IFT80: variants seen among roughly 807,000 people sequenced by gnomAD.
The protein encoded by IFT80 is intraflagellar transport 80.
In IFT80, 79 loss-of-function variants were observed where a neutral mutation model predicts 107.9. That is an observed-to-expected ratio of 0.73 (90% CI 0.61 to 0.88). IFT80 has a LOEUF of 0.88. IFT80 is among the 40% of genes least tolerant of loss of function. IFT80 has a pLI of 0.00. For missense variants in IFT80, 797 were observed against 914.2 expected (o/e 0.87, Z 1.65); for synonymous variants, 299 against 300.9 (o/e 0.99, Z 0.07).
intron 8 of IFT80, among the ~76,000 whole-genome samples, chr3:160,330,612 C>T (rs1462659957): frequency 3.3e-5 from 5 of 152,098 alleles, no homozygotes; most frequent in Non-Finnish European, 7.4e-5. Flanking sequence ...CTGGGCCCGA[C>T]CCCAGAGTGT....
intron 19 of IFT80, among the ~76,000 whole-genome samples, chr3:160,263,218 A>G (rs1000598189): frequency 9.2e-5 from 14 of 151,644 alleles, no homozygotes; most frequent in Admixed American, 9.2e-4. Context: ...CTCTCCTCCC[A>G]CCCCCAGTCA....
chr3:160,335,558 C>T (rs1719410069), intron 8 of IFT80, among the ~76,000 whole-genome samples: 2 of 152,116 alleles, frequency 1.3e-5, no homozygotes, highest in Non-Finnish European at 2.9e-5. Context: ...AATATAGATA[C>T]TCAGAATAAC....
At chr3:160,380,815 T>A (rs1003440333) in intron 3 of IFT80, among the ~76,000 whole-genome samples, 1 of 152,216 alleles carries the variant, frequency 6.6e-6, no homozygotes, top group Non-Finnish European at 1.5e-5. Context: ...ATAAAGTATG[T>A]ATTTTAACAG....
At chr3:160,293,279 C>G (rs1272431644) in intron 12 of IFT80, among the ~76,000 whole-genome samples, 1 of 152,142 alleles carries the variant, frequency 6.6e-6, no homozygotes, top group African/African-American at 2.4e-5. Context: ...CCTCAGAGGC[C>G]TAAACTTGAA....
At chr3:160,332,310 T>C (rs1380955043) in intron 8 of IFT80, among the ~76,000 whole-genome samples, 1 of 152,110 alleles carries the variant, frequency 6.6e-6, no homozygotes, top group East Asian at 1.9e-4. Context: ...GTGTGGGGTG[T>C]CATCAAGAAC....
At chr3:160,353,150 C>T (rs948167662) in intron 8 of IFT80, among the ~76,000 whole-genome samples, 5 of 152,296 alleles carry the variant, frequency 3.3e-5, no homozygotes, top group Admixed American at 6.5e-5. Flanking sequence ...TTCCTTCTCT[C>T]GAATCACTGT....
chr3:160,323,557 A>G (rs943415057), intron 8 of IFT80, among the ~76,000 whole-genome samples: 1 of 152,124 alleles, frequency 6.6e-6, no homozygotes, highest in Non-Finnish European at 1.5e-5. Flanking sequence ...GAAGGCAGAA[A>G]TAAAGATGTT....
chr3:160,269,468 C>G (rs185357115), intron 18 of IFT80, among the ~76,000 whole-genome samples: 141 of 152,194 alleles, frequency 9.3e-4, no homozygotes, highest in South Asian at 2.7e-3. Context: ...GAAAAGTTGA[C>G]AGTCATTTAA....
chr3:160,384,743 C>T lies in IFT80; in HGVS notation c.-46-97G>A, dbSNP rs929239465. 6.0e-5 allele frequency: 51 copies of T among 852,636 alleles called. No homozygotes were observed. In the Middle Eastern group the frequency reaches 1.6e-3, roughly 28 times the overall value. 52.8% of individuals were successfully genotyped at this position (852,636 alleles called of 1,614,324 possible). A position where few individuals can be genotyped will look rare whatever the true frequency, so the allele number is the denominator to read the frequency against. ...CAAACAAAACATCATTGCACCCCAA[C>T]GAGCACCTTCAGTCCTTCTGACATC... On this transcript the variant is annotated intron_variant, in intron 1 of 19. Coordinates refer to ENST00000326448, the MANE Select transcript of IFT80 (RefSeq NM_020800.3).
chr3:160,341,183 G>A (rs1375940487), intron 8 of IFT80, among the ~76,000 whole-genome samples: 1 of 151,808 alleles, frequency 6.6e-6, no homozygotes, highest in Non-Finnish European at 1.5e-5. Context: ...TTCTTTTCTG[G>A]TACTTTTTGT....
At chr3:160,392,565 C>G (rs1713468350) in intron 1 of IFT80, among the ~76,000 whole-genome samples, 1 of 152,226 alleles carries the variant, frequency 6.6e-6, no homozygotes, top group African/African-American at 2.4e-5. Context: ...CTTAAGTCAT[C>G]ATTTACTCTT....
chr3:160,337,971 T>A (rs1373574522), intron 8 of IFT80, among the ~76,000 whole-genome samples: 2 of 152,188 alleles, frequency 1.3e-5, no homozygotes, highest in Non-Finnish European at 2.9e-5. Context: ...TATTCGTTGC[T>A]TTGGGCGTCA....
rs1193361444 is a variant in IFT80, at chr3:160,300,956, T to C, written c.1242A>G (p.Thr414=). ...ISSPKFPGMR[T]DILNAQTVSL... is the part of the protein sequence containing the mutation. ...ACACAGTCTGTGCATTCAGAATATC[T>C]GTTCTCATTCCAGGAAATTTTGGAG... Residue 414 remains threonine, a synonymous_variant, in exon 12 of 20, where the codon ACA becomes ACG. Transcript: ENST00000326448. 6.2e-7 allele frequency: 1 copy of C among 1,611,554 alleles called. No homozygotes were observed. The highest frequency in any genetic ancestry group is 1.7e-5 in the Admixed American group (1 of 59,886).
intron 1 of IFT80, among the ~76,000 whole-genome samples, chr3:160,394,502 T>C (rs560129131): frequency 6.6e-6 from 1 of 152,316 alleles, no homozygotes; most frequent in Non-Finnish European, 1.5e-5. Flanking sequence ...TGCGAAAGTG[T>C]ATGTGTACGC....
chr3:160,286,337 C>A (rs1439625084), intron 12 of IFT80, among the ~76,000 whole-genome samples: 1 of 152,136 alleles, frequency 6.6e-6, no homozygotes, highest in Admixed American at 6.5e-5. Context: ...CCCTACCATA[C>A]AATGGGGTGC....
At chr3:160,372,341 T>C (rs1274709448) in intron 5 of IFT80, among the ~76,000 whole-genome samples, 1 of 152,216 alleles carries the variant, frequency 6.6e-6, no homozygotes, top group East Asian at 1.9e-4. Flanking sequence ...CTTGAGCCTT[T>C]AGCATCCAAC....
intron 2 of IFT80, among the ~76,000 whole-genome samples, chr3:160,383,015 T>A (rs572397669): frequency 1.3e-5 from 2 of 152,282 alleles, no homozygotes; most frequent in East Asian, 1.9e-4. Context: ...GCCTAAACAA[T>A]GTTAGGTAAA....
intron 6 of IFT80, among the ~76,000 whole-genome samples, chr3:160,360,260 T>C (rs991236167): frequency 1.3e-4 from 20 of 152,106 alleles, no homozygotes; most frequent in Non-Finnish European, 2.4e-4. Flanking sequence ...GTATCAGTGA[T>C]TGAAGATCAA....
chr3:160,322,514 A>G (rs1718320496), intron 8 of IFT80, among the ~76,000 whole-genome samples: 1 of 152,108 alleles, frequency 6.6e-6, no homozygotes, highest in Non-Finnish European at 1.5e-5. Flanking sequence ...ATGTGTCTTT[A>G]TAACAGCATG....
Sources: gnomAD v4.1 joint callset for allele counts (sites outside exome capture counted in the v4.1 genomes callset) on GRCh38, gnomAD v4.1.1 for gene constraint, MANE v1.5 for transcripts, NCBI Gene and HGNC (gene_info 2026-07-23, HGNC 2026-07-21) for gene names.